Variants in GRID2 observed in about 807,000 individuals in gnomAD.
GRID2 encodes glutamate receptor ionotropic, delta-2.
GRID2 carries 33 observed loss-of-function variants against 114.8 expected under a neutral mutation model. That is an observed-to-expected ratio of 0.29 (90% CI 0.22 to 0.38). GRID2 has a LOEUF of 0.38. Ranked by LOEUF, GRID2 falls within the 10% of genes least tolerant of loss-of-function variation. The pLI is 1.00. For missense variants in GRID2, 1,184 were observed against 1,257.7 expected (o/e 0.94, Z 0.89); for synonymous variants, 505 against 449.9 (o/e 1.12, Z -1.55).
At position 93,193,595 on chromosome 4, in the gene GRID2, T is replaced by TCCTC. The variant is rs199776623; in HGVS notation, c.736-13806_736-13805insCCCT. Reference sequence around the variant, plus strand: ...GAACTGTGATTCAATTAAACCTCTTTCCTTTGTAAATTACCCAGTCTCAAG... The same window carrying TCCTC: ...GAACTGTGATTCAATTAAACCTCTTTCCTCCCTTTGTAAATTACCCAGTCTCAAG... On this transcript the variant is annotated intron_variant, in intron 4 of 15. Coordinates refer to ENST00000282020, the MANE Select transcript of GRID2 (RefSeq NM_001510.4). Among the ~76,000 whole-genome samples the TCCTC allele has an allele frequency of 2.3e-3, 357 of 152,274 alleles. 5 individuals carry two copies. The East Asian group carries it at 0.041, about 18-fold the overall frequency.
chr4:92,425,976 T>G (rs1732140783), intron 1 of GRID2, among the ~76,000 whole-genome samples: 1 of 152,108 alleles, frequency 6.6e-6, no homozygotes, highest in Non-Finnish European at 1.5e-5. Context: ...CTCTCTTCCT[T>G]AGCCTCTGAA....
At chr4:93,669,131 C>T (rs1011880559) in intron 14 of GRID2, among the ~76,000 whole-genome samples, 9 of 152,016 alleles carry the variant, frequency 5.9e-5, no homozygotes, top group African/African-American at 2.2e-4. Context: ...TACCTTTCCA[C>T]TATCAGTATT....
At chr4:92,888,402 C>T (rs921807070) in intron 2 of GRID2, among the ~76,000 whole-genome samples, 1 of 151,884 alleles carries the variant, frequency 6.6e-6, no homozygotes, top group Non-Finnish European at 1.5e-5. Context: ...TTCGAATTTG[C>T]CCAGTCAACC....
intron 14 of GRID2, among the ~76,000 whole-genome samples, chr4:93,742,988 G>A (rs1052649630): frequency 3.3e-5 from 5 of 152,196 alleles, no homozygotes; most frequent in Non-Finnish European, 7.4e-5. Flanking sequence ...TAGTTGTCTT[G>A]TGCCAGTTAG....
chr4:92,771,487 G>A (rs1381781148), intron 2 of GRID2, among the ~76,000 whole-genome samples: 3 of 152,048 alleles, frequency 2.0e-5, no homozygotes, highest in African/African-American at 7.2e-5. Flanking sequence ...ATTATTTTCT[G>A]TATTTCATCC....
At chr4:93,632,864 C>A (rs1721055144) in intron 14 of GRID2, among the ~76,000 whole-genome samples, 1 of 152,116 alleles carries the variant, frequency 6.6e-6, no homozygotes, top group African/African-American at 2.4e-5. Context: ...GAATGTTCTT[C>A]CATTTGTTTG....
chr4:93,354,759 C>T lies in GRID2; in HGVS notation c.1246-40848C>T, dbSNP rs1761155716. Among the ~76,000 whole-genome samples the T allele has an allele frequency of 6.0e-5, 8 of 133,956 alleles. No individual in the cohort carries two copies. In the South Asian group the frequency reaches 1.4e-3, roughly 24 times the overall value. 87.9% of individuals were successfully genotyped at this position (133,956 alleles called of 152,430 possible). ...ATATTTATGTATATGTATATGTAGT[C>T]TTTATGTATATGTAATATTTATATA... On this transcript the variant is annotated intron_variant, in intron 8 of 15. Transcript: ENST00000282020.
chr4:92,982,430 G>A (rs2149189679), intron 2 of GRID2, among the ~76,000 whole-genome samples: 1 of 152,120 alleles, frequency 6.6e-6, no homozygotes, highest in Admixed American at 6.6e-5. Flanking sequence ...TTATTTGAGT[G>A]ATTAAAAATT....
chr4:93,533,277 C>T (rs1330944790), intron 13 of GRID2, among the ~76,000 whole-genome samples: 1 of 133,240 alleles, frequency 7.5e-6, no homozygotes, highest in Non-Finnish European at 1.6e-5. Flanking sequence ...TTCCTTCCTT[C>T]CTTCCTTCCT....
At chr4:93,019,874 A>T (rs1211689714) in intron 2 of GRID2, among the ~76,000 whole-genome samples, 1 of 152,200 alleles carries the variant, frequency 6.6e-6, no homozygotes, top group Non-Finnish European at 1.5e-5. Context: ...GCCATTATAC[A>T]TCCATAAAAA....
chr4:93,381,962 T>G (rs1043835322), intron 8 of GRID2, among the ~76,000 whole-genome samples: 1 of 152,096 alleles, frequency 6.6e-6, no homozygotes, highest in African/African-American at 2.4e-5. Context: ...TCTCAACTTT[T>G]GTATACCTAG....
At chr4:93,036,455 A>G (rs1724942109) in intron 2 of GRID2, among the ~76,000 whole-genome samples, 1 of 152,204 alleles carries the variant, frequency 6.6e-6, no homozygotes, top group South Asian at 2.1e-4. Context: ...AGTTTAATAT[A>G]GAAACAAATA....
chr4:93,664,166 G>A (rs571595980), intron 14 of GRID2, among the ~76,000 whole-genome samples: 4 of 152,316 alleles, frequency 2.6e-5, no homozygotes, highest in African/African-American at 9.6e-5. Context: ...TGAGGTAGAA[G>A]CACGATTTCA....
intron 2 of GRID2, among the ~76,000 whole-genome samples, chr4:92,717,685 A>G (rs1024405828): frequency 6.6e-6 from 1 of 152,222 alleles, no homozygotes; most frequent in African/African-American, 2.4e-5. Context: ...TAAAAAGAAT[A>G]TGCAGTTGTC....
At chr4:92,476,214 A>G (rs960142947) in intron 1 of GRID2, among the ~76,000 whole-genome samples, 1 of 151,836 alleles carries the variant, frequency 6.6e-6, no homozygotes, top group African/African-American at 2.4e-5. Context: ...TTTAGTAGAG[A>G]CCGGGTTTCA....
intron 14 of GRID2, among the ~76,000 whole-genome samples, chr4:93,658,975 A>G (rs1723251894): frequency 6.6e-6 from 1 of 152,130 alleles, no homozygotes; most frequent in Non-Finnish European, 1.5e-5. Context: ...GGGAGACTCC[A>G]GGGCCCTGGA....
At chr4:93,188,382 T>C (rs1048443451) in intron 4 of GRID2, among the ~76,000 whole-genome samples, 7 of 152,194 alleles carry the variant, frequency 4.6e-5, no homozygotes, top group South Asian at 2.1e-4. Flanking sequence ...TGAGCAACAG[T>C]AAGACAGGGC....
rs1743923861 is a variant in GRID2, at chr4:92,852,854, T to A, written c.245-232141T>A. Among the ~76,000 whole-genome samples the A allele has an allele frequency of 2.6e-5, 4 of 151,978 alleles. No individual in the cohort carries two copies. The South Asian group carries it at 8.3e-4, about 31-fold the overall frequency. ...TCATTCTCCCATGTTATGCCTGAAT[T>A]TTTACCCTTCCTTAAATTTTCAGCT... is the stretch of plus-strand genomic sequence containing the variant. On this transcript the variant is annotated intron_variant, in intron 2 of 15. Coordinates refer to ENST00000282020, the MANE Select transcript of GRID2 (RefSeq NM_001510.4).
chr4:93,347,299 G>A (rs1400199382), intron 8 of GRID2, among the ~76,000 whole-genome samples: 1 of 151,618 alleles, frequency 6.6e-6, no homozygotes, highest in Non-Finnish European at 1.5e-5. Context: ...TTGGTGTTTG[G>A]CAATCAACCA....
Sources: allele counts gnomAD v4.1 joint callset (sites outside exome capture counted in the v4.1 genomes callset), GRCh38; gene constraint gnomAD v4.1.1; transcripts MANE v1.5; gene names NCBI Gene and HGNC (gene_info 2026-07-23, HGNC 2026-07-21).